The following IL7 variants were observed in gnomAD, a reference collection of about 807,000 sequenced individuals.
The protein encoded by IL7 is interleukin-7.
IL7 carries 3 observed loss-of-function variants against 21.6 expected under a neutral mutation model. The ratio of observed to expected loss-of-function variants is 0.14; its 90% CI spans 0.06 to 0.36. IL7 has a LOEUF of 0.36. Among genes scored for constraint, IL7 ranks in the 10% least tolerant of loss-of-function variants. IL7 has a pLI of 1.00. For synonymous variants in IL7, 62 were observed against 68.1 expected, an observed-to-expected ratio of 0.91 and a Z score of 0.44; for missense variants, 175 against 200.2, an observed-to-expected ratio of 0.87 and a Z score of 0.76.
At chr8:78,795,909 T>G (rs769501745) in intron 2 of IL7, among the ~76,000 whole-genome samples, 2 of 152,024 alleles carry the variant, frequency 1.3e-5, no homozygotes, top group Non-Finnish European at 2.9e-5. Flanking sequence ...ACAAGAGGTA[T>G]AACACTAAAT....
At chr8:78,723,812 A>C (rs1586043040) in intron 3 of IL7, 1 of 230,810 alleles carries the variant, frequency 4.3e-6, no homozygotes, top group East Asian at 1.1e-4. Flanking sequence ...ATCAGGTTTC[A>C]AAGAATCATA....
chr8:78,680,247 T>TCCG (rs1374786233), intron 4 of IL7, among the ~76,000 whole-genome samples: 1 of 120,706 alleles, frequency 8.3e-6, no homozygotes, highest in African/African-American at 3.2e-5. Context: ...CAAAGTACAG[T>TCCG]CCGCAGTCCG....
chr8:78,724,699 C>T (rs1045797670), intron 3 of IL7, among the ~76,000 whole-genome samples: 7 of 152,010 alleles, frequency 4.6e-5, no homozygotes, highest in Admixed American at 1.3e-4. Flanking sequence ...GAAATCAAAA[C>T]GCCATTTGAA....
At chr8:78,676,062 C>A in exon 5 of IL7, 1 of 393,372 alleles carries the variant, frequency 2.5e-6, no homozygotes, top group Non-Finnish European at 4.5e-6. Context: ...GTCTTCAGAA[C>A]TCTTCTGTTA....
At chr8:78,755,410 T>C (rs934761146) in intron 2 of IL7, among the ~76,000 whole-genome samples, 16 of 152,092 alleles carry the variant, frequency 1.1e-4, no homozygotes, top group African/African-American at 3.1e-4. Context: ...TGTAGATTGC[T>C]TTGTGTAGTA....
Position 78,755,639 on chromosome 8 carries a change from A to G in IL7, c.148-15557T>C, listed in dbSNP as rs1025932495. Reference sequence around the variant, plus strand: ...TCTTGATTTCTCCTTCAGCTAGTTCATTATGATATAAAAAAATGCTACTGA... The same window carrying G: ...TCTTGATTTCTCCTTCAGCTAGTTCGTTATGATATAAAAAAATGCTACTGA... On this transcript the variant is annotated intron_variant, in intron 2 of 5. Transcript: ENST00000263851. Among the ~76,000 whole-genome samples the G allele has an allele frequency of 2.2e-4, 33 of 151,810 alleles. 1 individual carries two copies. Among genetic ancestry groups the G allele is most frequent in the Admixed American group, 3.9e-4 (6 of 15,242 alleles).
intron 1 of IL7, among the ~76,000 whole-genome samples, chr8:78,801,542 G>A (rs553039550): frequency 8.8e-4 from 133 of 150,812 alleles, no homozygotes; most frequent in African/African-American, 3.0e-3. Context: ...AGCCATGGCC[G>A]TGAGCCACGA....
chr8:78,768,735 G>C (rs1169970878), intron 2 of IL7, among the ~76,000 whole-genome samples: 8 of 152,052 alleles, frequency 5.3e-5, no homozygotes, highest in African/African-American at 1.9e-4. Context: ...TGTTCACTCT[G>C]ATGGTAGTTT....
intron 5 of IL7, among the ~76,000 whole-genome samples, chr8:78,735,276 C>CTTTTTTTTTTTTTTTTTGTTTTTTTTTT: frequency 1.1e-4 from 9 of 78,514 alleles, no homozygotes; most frequent in Non-Finnish European, 1.9e-4. Flanking sequence ...CTTTTCTTTT[C>CTTTTTTTTTTTTTTTTTGTTTTTTTTTT]TTTTTTTTTT....
At chr8:78,777,745 T>C (rs1813179041) in intron 2 of IL7, among the ~76,000 whole-genome samples, 1 of 152,080 alleles carries the variant, frequency 6.6e-6, no homozygotes, top group Non-Finnish European at 1.5e-5. Context: ...TACTCAACAG[T>C]GCCAACTACG....
At chr8:78,688,510 T>G (rs2130498855) in intron 3 of IL7, among the ~76,000 whole-genome samples, 1 of 152,302 alleles carries the variant, frequency 6.6e-6, no homozygotes, top group East Asian at 1.9e-4. Flanking sequence ...ATTAAGATTC[T>G]TTTTTGACAC....
intron 2 of IL7, among the ~76,000 whole-genome samples, chr8:78,741,618 T>C (rs1427788784): frequency 6.6e-6 from 1 of 152,214 alleles, no homozygotes; most frequent in Non-Finnish European, 1.5e-5. Context: ...TAGGTGGCTG[T>C]TCTAGGTTAT....
At chr8:78,691,338 G>A (rs1333431862) in intron 3 of IL7, among the ~76,000 whole-genome samples, 3 of 151,772 alleles carry the variant, frequency 2.0e-5, no homozygotes, top group Middle Eastern at 3.2e-3. Flanking sequence ...CCATTTATTG[G>A]CACTTTTATC....
chr8:78,747,577 C>T (rs1812026505), intron 2 of IL7, among the ~76,000 whole-genome samples: 2 of 152,104 alleles, frequency 1.3e-5, no homozygotes, highest in African/African-American at 2.4e-5. Flanking sequence ...GTATATTGTT[C>T]CTGGAATTCT....
chr8:78,784,352 G>C (rs1274123533), intron 2 of IL7, among the ~76,000 whole-genome samples: 2 of 152,132 alleles, frequency 1.3e-5, no homozygotes, highest in Non-Finnish European at 2.9e-5. Context: ...CCAGCCTCCA[G>C]AACTGTGAGG....
chr8:78,733,949 A>G, intron 5 of IL7, 117 bp from the exon 6 acceptor site: 2 of 669,682 alleles, frequency 3.0e-6, no homozygotes, highest in South Asian at 6.4e-5. Flanking sequence ...GAAAAGGTAG[A>G]ATCCTGTGTG....
At chr8:78,769,512 T>C (rs1201510724) in intron 2 of IL7, among the ~76,000 whole-genome samples, 1 of 151,950 alleles carries the variant, frequency 6.6e-6, no homozygotes, top group Admixed American at 6.6e-5. Flanking sequence ...GAACTACAAA[T>C]CACTGCTCAA....
intron 3 of IL7, among the ~76,000 whole-genome samples, chr8:78,723,459 A>G (rs981875100): frequency 2.8e-4 from 42 of 152,044 alleles, no homozygotes; most frequent in African/African-American, 9.9e-4. Context: ...CATGCTTGGC[A>G]TCTTGTTGAA....
chr8:78,771,674 C>A lies in IL7; in HGVS notation c.147+26398G>T, dbSNP rs556645688. On this transcript the variant is annotated intron_variant, in intron 2 of 5. Transcript: ENST00000263851. ...TTAAATAACTCTTTAATGTTTAAGT[C>A]CATTTATGTTCAGTTTTCTACTAAT... 2.0e-5 allele frequency among the ~76,000 whole-genome samples: 3 copies of A among 152,158 alleles called. No homozygotes were observed. The East Asian group carries it at 5.8e-4, about 29-fold the overall frequency.
Sources: gnomAD v4.1 joint callset for allele counts (sites outside exome capture counted in the v4.1 genomes callset) on GRCh38, gnomAD v4.1.1 for gene constraint, MANE v1.5 for transcripts, NCBI Gene and HGNC (gene_info 2026-07-23, HGNC 2026-07-21) for gene names.